Variants in AK9 observed in about 807,000 individuals in gnomAD.
AK9 encodes adenylate kinase 9.
Under a neutral mutation model 239.6 loss-of-function variants are expected in AK9, and 191 were observed. That is an observed-to-expected ratio of 0.80 (90% confidence interval 0.71 to 0.90). The LOEUF (loss-of-function observed/expected upper bound fraction) is 0.90, where lower values mean the gene tolerates loss of function less well. Among genes scored for constraint, AK9 ranks in the 40% least tolerant of loss-of-function variants. AK9 has a pLI of 0.00. For synonymous variants in AK9, 689 were observed against 721.0 expected (o/e 0.96, Z 0.71); for missense variants, 1,995 against 2,214.7 (o/e 0.90, Z 1.99).
chr6:109,571,663 C>T (rs1402308132), intron 21 of AK9, among the ~76,000 whole-genome samples: 1 of 152,110 alleles, frequency 6.6e-6, no homozygotes, highest in African/African-American at 2.4e-5. Flanking sequence ...GATTTTGAAA[C>T]ACACCGTTCA....
chr6:109,689,875 T>C (rs1249802155), intron 1 of AK9, among the ~76,000 whole-genome samples: 1 of 152,234 alleles, frequency 6.6e-6, no homozygotes, highest in Non-Finnish European at 1.5e-5. Flanking sequence ...TCAGAAGAGT[T>C]GGTTTCATTA....
intron 17 of AK9, among the ~76,000 whole-genome samples, chr6:109,594,944 C>A (rs1301383741): frequency 4.6e-5 from 7 of 152,132 alleles, no homozygotes; most frequent in Non-Finnish European, 8.8e-5. Flanking sequence ...AGGACATAGG[C>A]ATGCACAAAG....
intron 8 of AK9, among the ~76,000 whole-genome samples, chr6:109,653,223 G>GTT (rs1799220999): frequency 6.6e-6 from 1 of 152,134 alleles, no homozygotes; most frequent in African/African-American, 2.4e-5. Flanking sequence ...CAACACGCCT[G>GTT]GCAAAAGTAG....
intron 8 of AK9, among the ~76,000 whole-genome samples, chr6:109,648,955 G>A (rs1798507290): frequency 6.6e-6 from 1 of 152,128 alleles, no homozygotes; most frequent in African/African-American, 2.4e-5. Context: ...ATCAATAAAT[G>A]TAATCCAACA....
Position 109,514,242 on chromosome 6 carries a change from T to C in AK9, c.4261A>G (p.Lys1421Glu). 6.4e-7 allele frequency: 1 copy of C among 1,551,076 alleles called. No homozygotes were observed. Among genetic ancestry groups the C allele is most frequent in the Non-Finnish European group, 8.7e-7 (1 of 1,146,802 alleles). ...PIRIIIVGPP[K>E]SGKTTVAKKI... ...CGCTCACCTGTAGTTTTCCCAGATT[T>C]TGGAGGCCCCACAATTATAATCCTA... Residue 1421 changes from lysine to glutamate, a missense_variant, in exon 32 of 41, where the codon AAA becomes GAA. Around this residue, in one of 5 missense-constraint regions of AK9, gnomAD observed 1,290 missense variants for 1,392.7 expected, o/e 0.93. Transcript: ENST00000424296.
rs146609210 is a variant in AK9, at chr6:109,495,437, C to T, written c.5319G>A (p.Ser1773=). The part of the protein sequence containing the change: ...NKEKLQKFLR[S]PLKYWEQKLP... ...GCTTCTGTTCCCAGTATTTCAGTGG[C>T]GACCTAAGAACACAAAGTTCATTAG... is the stretch of plus-strand genomic sequence containing the variant. Residue 1773 remains serine (S), a synonymous_variant, in exon 39 of 41, where the codon TCG becomes TCA. Transcript: ENST00000424296. The T allele has an allele frequency of 2.4e-5, 38 of 1,611,490 alleles. No individual in the cohort carries two copies. In the African/African-American group the frequency reaches 2.4e-4, roughly 10 times the overall value.
At chr6:109,612,176 C>A in intron 15 of AK9, 83 bp from the exon 16 acceptor site, 2 of 889,162 alleles carry the variant, frequency 2.2e-6, no homozygotes, top group South Asian at 1.8e-5. Flanking sequence ...TAATATAAGC[C>A]TAGGGAACCA....
Position 109,501,823 on chromosome 6 carries a change from G to GAAGAC in AK9, c.4850-2584_4850-2583insGTCTT, listed in dbSNP as rs1240899548. ...ATTAGGTTCTGGTCTTCTCTGAAGA[G>GAAGAC]CTGAGAGCCAGCTGGATGGGATCTC... is the stretch of plus-strand genomic sequence containing the variant. On this transcript the variant is annotated intron_variant, in intron 35 of 40. Transcript: ENST00000424296. Among the ~76,000 whole-genome samples, 4 of 152,340 alleles carry GAAGAC rather than the reference G, an allele frequency of 2.6e-5. No homozygotes were observed. The East Asian group carries it at 7.7e-4, about 29-fold the overall frequency.
intron 12 of AK9, among the ~76,000 whole-genome samples, chr6:109,625,402 A>G (rs931676227): frequency 3.3e-5 from 5 of 152,150 alleles, no homozygotes; most frequent in African/African-American, 1.2e-4. Context: ...TCTATTTAAC[A>G]TATCAATTTT....
Position 109,550,584 on chromosome 6 carries a change from C to T in AK9, c.2752-282G>A, listed in dbSNP as rs1272067208. On this transcript the variant is annotated intron_variant, in intron 24 of 40. Transcript: ENST00000424296. ...CCAACAGAGATGTAATGAAAAACTC[C>T]GGGATGTGTTGATGCTGGGTCATTG... is the stretch of plus-strand genomic sequence containing the variant. 9 of 239,676 alleles carry T rather than the reference C, an allele frequency of 3.8e-5. No individual in the cohort carries two copies. In the South Asian group the frequency reaches 5.5e-4, roughly 15 times the overall value. The allele number at this position is 239,676 out of a possible 1,614,324, so 14.8% of individuals were successfully genotyped here.
chr6:109,631,358 A>G (rs140175612), intron 12 of AK9, among the ~76,000 whole-genome samples: 1 of 152,312 alleles, frequency 6.6e-6, no homozygotes, highest in Non-Finnish European at 1.5e-5. Flanking sequence ...AAACACAACT[A>G]AAAATGGGCA....
At chr6:109,596,066 T>C (rs113677901) in intron 17 of AK9, among the ~76,000 whole-genome samples, 10 of 152,082 alleles carry the variant, frequency 6.6e-5, no homozygotes, top group African/African-American at 2.2e-4. Flanking sequence ...CTATTGGGTA[T>C]TGCAGTTCAA....
intron 12 of AK9, among the ~76,000 whole-genome samples, chr6:109,619,629 T>C (rs189755728): frequency 5.9e-5 from 9 of 152,214 alleles, no homozygotes; most frequent in African/African-American, 1.9e-4. Context: ...TACATATATA[T>C]ATATTAACCA....
At chr6:109,602,128 C>T in intron 17 of AK9, among the ~76,000 whole-genome samples, 1 of 152,258 alleles carries the variant, frequency 6.6e-6, no homozygotes, top group Middle Eastern at 3.4e-3. Flanking sequence ...ATGATATTAG[C>T]TGGTTATTTT....
At chr6:109,656,057 CTG>C (rs1460655713) in intron 8 of AK9, among the ~76,000 whole-genome samples, 1 of 152,174 alleles carries the variant, frequency 6.6e-6, no homozygotes, top group Admixed American at 6.6e-5. Context: ...AATTGGAGGA[CTG>C]TGTTTTATTT....
chr6:109,540,342 T>C (rs9487138), intron 27 of AK9, among the ~76,000 whole-genome samples: 88,583 of 152,142 alleles, frequency 0.58, 27,494 homozygotes, highest in South Asian at 0.84. Flanking sequence ...TGTTGCAATT[T>C]GATCTCAGAC....
chr6:109,564,832 G>C lies in AK9; in HGVS notation c.2358C>G (p.Ile786Met), dbSNP rs755163915. Residue 786 changes from isoleucine to methionine, a missense_variant, in exon 22 of 41, where the codon ATC becomes ATG. Ile to Met is a conservative substitution (Grantham distance 10). Coordinates refer to ENST00000424296, the MANE Select transcript of AK9 (RefSeq NM_001145128.3). ...ETEPEAVSEP[I>M]EETTVETEIP... is the part of the protein sequence containing the mutation. ...TTTCTGTTTCCACTGTAGTTTCCTC[G>C]ATAGGCTCAGATACTTAAGAAAGAA... 1.8e-5 allele frequency: 28 copies of C among 1,539,368 alleles called. 1 individual carries two copies. In the East Asian group the frequency reaches 3.0e-4, roughly 16 times the overall value.
chr6:109,531,957 G>A lies in AK9; in HGVS notation c.3570+1294C>T, dbSNP rs551854235. Among the ~76,000 whole-genome samples, 5 of 152,294 alleles carry A rather than the reference G, an allele frequency of 3.3e-5. No individual in the cohort carries two copies. In the East Asian group the frequency reaches 9.7e-4, roughly 29 times the overall value. ...CCTTAGTGTGGTGAGGGAGAGGAAT[G>A]GATGGCAATGGCCTTGAAGGGATTT... On this transcript the variant is annotated intron_variant, in intron 28 of 40. Transcript: ENST00000424296.
At chr6:109,683,842 C>G (rs148562646) in intron 1 of AK9, among the ~76,000 whole-genome samples, 1,700 of 152,238 alleles carry the variant, frequency 0.011, 22 homozygotes, top group Non-Finnish European at 0.017. Context: ...TTTATAGATT[C>G]AATGCTATCC....
Sources: allele counts gnomAD v4.1 joint callset (sites outside exome capture counted in the v4.1 genomes callset), GRCh38; gene constraint gnomAD v4.1.1; regional missense constraint gnomAD v4.1.1; transcripts MANE v1.5; gene names NCBI Gene and HGNC (gene_info 2026-07-23, HGNC 2026-07-21).